H2BC18: variants seen among roughly 807,000 people sequenced by gnomAD.
H2BC18 encodes the protein H2B clustered histone 18.
A neutral mutation model predicts 6.3 loss-of-function variants in H2BC18; 8 were observed. The ratio of observed to expected loss-of-function variants is 1.28; its 90% CI spans 0.75 to 2.31. The LOEUF (loss-of-function observed/expected upper bound fraction) is 2.31. Ranked by LOEUF, H2BC18 falls within the 30% of genes most tolerant of loss-of-function variation. H2BC18 has a pLI of 0.00. For missense variants in H2BC18, 106 were observed against 174.5 expected, an observed-to-expected ratio of 0.61 and a Z score of 2.21; for synonymous variants, 104 against 78.1, an observed-to-expected ratio of 1.33 and a Z score of -1.75.
At chr1:149,785,279 G>A (rs2091510899) in intron 1 of H2BC18, among the ~76,000 whole-genome samples, 1 of 152,046 alleles carries the variant, frequency 6.6e-6, no homozygotes, top group Non-Finnish European at 1.5e-5. Context: ...GCTGTTAGAG[G>A]AAATGTGTTT....
chr1:149,792,713 G>C (rs781876519), intron 1 of H2BC18: 3 of 1,283,206 alleles, frequency 2.3e-6, no homozygotes, highest in South Asian at 1.2e-5. Flanking sequence ...TGTTGGGCGC[G>C]CGCTTCTCCG....
In H2BC18 at chr1:149,812,179, C is replaced by T. The variant is rs782771843; in HGVS notation, c.145G>A (p.Val49Ile). Residue 49 changes from valine to isoleucine, a missense_variant, in exon 1 of 1, where the codon GTC (valine) becomes ATC (isoleucine). Around this residue, in one of 3 missense-constraint regions of H2BC18, gnomAD observed 70 missense variants for 64.6 expected, o/e 1.08. Coordinates refer to ENST00000369167, the MANE Select transcript of H2BC18 (RefSeq NM_001024599.5). ...SVYVYKVLKQ[V>I]HPDTGISSKA... is the part of the protein sequence containing the mutation. ...GACGAGATGCCGGTGTCGGGGTGGA[C>T]CTGCTTCAGCACCTTGTACACGTAA... The T allele has an allele frequency of 3.7e-6, 6 of 1,614,260 alleles. No individual in the cohort carries two copies. The Admixed American group carries it at 8.3e-5, about 22-fold the overall frequency.
chr1:149,800,178 A>G (rs2091851068), intron 1 of H2BC18, among the ~76,000 whole-genome samples: 1 of 152,186 alleles, frequency 6.6e-6, no homozygotes, highest in African/African-American at 2.4e-5. Context: ...AATACAGATG[A>G]AAAGATGCAT....
chr1:149,792,590 G>A, intron 1 of H2BC18: 1 of 1,202,734 alleles, frequency 8.3e-7, no homozygotes, highest in Non-Finnish European at 1.1e-6. Flanking sequence ...CTCCGAGCGT[G>A]TCCCGCGGCG....
chr1:149,792,999 A>G (rs2091750084), intron 1 of H2BC18: 1 of 1,273,298 alleles, frequency 7.9e-7, no homozygotes, highest in Non-Finnish European at 1.0e-6. Context: ...CCAGGCGCGT[A>G]GCTGAGTCCC....
At chr1:149,796,517 A>G (rs2091802473) in intron 1 of H2BC18, among the ~76,000 whole-genome samples, 1 of 152,186 alleles carries the variant, frequency 6.6e-6, no homozygotes, top group Non-Finnish European at 1.5e-5. Flanking sequence ...AGGAGAAATG[A>G]GCATTTATAT....
downstream of H2BC18, among the ~76,000 whole-genome samples, chr1:149,808,093 G>T (rs1287425941): frequency 1.3e-5 from 2 of 151,934 alleles, no homozygotes; most frequent in African/African-American, 4.8e-5. Flanking sequence ...ACCTGGATGA[G>T]GGGTGAGGAA....
intron 1 of H2BC18, among the ~76,000 whole-genome samples, chr1:149,785,408 G>GT (rs10670379): frequency 0.087 from 5,861 of 67,620 alleles, 1,671 homozygotes; most frequent in Non-Finnish European, 0.15. Context: ...GAGCTGTTTC[G>GT]TTTTTTTTTT....
At chr1:149,789,949 C>A (rs1287846316) in intron 1 of H2BC18, 9 of 1,606,076 alleles carry the variant, frequency 5.6e-6, no homozygotes, top group African/African-American at 1.3e-5. Context: ...CTTATGGATG[C>A]ATTTTCTAGG....
downstream of H2BC18, among the ~76,000 whole-genome samples, chr1:149,808,360 A>G (rs2101494621): frequency 6.6e-6 from 1 of 152,312 alleles, no homozygotes; most frequent in South Asian, 2.1e-4. Flanking sequence ...AATTTTCCTG[A>G]ACTCTCCAAC....
Position 149,801,846 on chromosome 1 carries a change from T to G in H2BC18, c.377+10101A>C, listed in dbSNP as rs112059904. Among the ~76,000 whole-genome samples the G allele has an allele frequency of 3.6e-3, 546 of 152,206 alleles. 6 individuals carry two copies. The highest frequency in any genetic ancestry group is 0.012 in the African/African-American group (517 of 41,454). The stretch of plus-strand genomic sequence containing the variant: ...AAGAACAGTCACAGTTCTGTTTCAT[T>G]ACGCTTCTATCTTTGAGACTCAAAT... On this transcript the variant is annotated intron_variant, in intron 1 of 1. Transcript: ENST00000545683.
chr1:149,804,538 C>T (rs2091900898), intron 1 of H2BC18, among the ~76,000 whole-genome samples: 1 of 152,086 alleles, frequency 6.6e-6, no homozygotes, highest in South Asian at 2.1e-4. Context: ...TATTAAAGCA[C>T]CACTTGCTGG....
At chr1:149,791,392 G>A in intron 1 of H2BC18, 3 of 1,593,116 alleles carry the variant, frequency 1.9e-6, no homozygotes, top group Non-Finnish European at 2.6e-6. Context: ...TTCTGGTCAT[G>A]AGAAGAAGGT....
At chr1:149,799,198 A>T (rs1224660468) in intron 1 of H2BC18, among the ~76,000 whole-genome samples, 1 of 141,974 alleles carries the variant, frequency 7.0e-6, no homozygotes, top group Non-Finnish European at 1.5e-5. Context: ...AAAGTCACCC[A>T]CACTTAAATG....
downstream of H2BC18, chr1:149,811,189 C>G (rs1222309211): frequency 5.9e-5 from 9 of 152,300 alleles, no homozygotes; most frequent in East Asian, 9.6e-4. Context: ...GCTCTTTGTC[C>G]CCCCAGAGGA....
At chr1:149,804,271 T>C (rs1252952336) in intron 1 of H2BC18, among the ~76,000 whole-genome samples, 8 of 152,120 alleles carry the variant, frequency 5.3e-5, no homozygotes, top group African/African-American at 1.9e-4. Flanking sequence ...AAAAGCATCA[T>C]CTGATAGAAA....
intron 1 of H2BC18, chr1:149,786,959 GA>G (rs2091568672): frequency 6.6e-6 from 1 of 152,096 alleles, no homozygotes; most frequent in South Asian, 2.1e-4. Context: ...AAAAGCATAT[GA>G]ATTTTCTTTC....
chr1:149,785,351 G>C (rs2091512756), intron 1 of H2BC18, among the ~76,000 whole-genome samples: 1 of 148,934 alleles, frequency 6.7e-6, no homozygotes, highest in Admixed American at 6.7e-5. Flanking sequence ...TGTCCCTTAG[G>C]TCTCTGTAAA....
chr1:149,789,788 C>T (rs2091655351), intron 1 of H2BC18, among the ~76,000 whole-genome samples: 1 of 152,254 alleles, frequency 6.6e-6, no homozygotes, highest in Non-Finnish European at 1.5e-5. Flanking sequence ...GGAAAAGTTG[C>T]CTTCCACAAA....
Sources: gnomAD v4.1 joint callset for allele counts (sites outside exome capture counted in the v4.1 genomes callset) on GRCh38, gnomAD v4.1.1 for gene constraint, gnomAD v4.1.1 regional missense constraint, MANE v1.5 for transcripts, NCBI Gene and HGNC (gene_info 2026-07-23, HGNC 2026-07-21) for gene names.